Variants in MIPEP observed in about 807,000 individuals in gnomAD.
MIPEP encodes mitochondrial intermediate peptidase.
MIPEP carries 79 observed loss-of-function variants against 90.3 expected under a neutral mutation model. That is an observed-to-expected ratio of 0.87 (90% CI 0.73 to 1.05). MIPEP has a LOEUF of 1.05. MIPEP is among the 50% of genes least tolerant of loss of function. The pLI, the probability that MIPEP is intolerant of heterozygous loss-of-function variation, is 0.00. For synonymous variants in MIPEP, 334 were observed against 315.8 expected, an observed-to-expected ratio of 1.06 and a Z score of -0.61; for missense variants, 940 against 905.6, an observed-to-expected ratio of 1.04 and a Z score of -0.49.
chr13:23,744,233 C>T lies in MIPEP; in HGVS notation c.2044+12312G>A, dbSNP rs749742847. Among the ~76,000 whole-genome samples, 98 of 152,310 alleles carry T rather than the reference C, an allele frequency of 6.4e-4. 2 individuals are homozygous for T. Among genetic ancestry groups the T allele is most frequent in the Middle Eastern group, 6.8e-3 (2 of 294 alleles). Reference sequence around the variant, plus strand: ...TACATACTAGTATATATATTAGCTACTAGTTAGCATACTAGTTGGCACATG... The same window carrying T: ...TACATACTAGTATATATATTAGCTATTAGTTAGCATACTAGTTGGCACATG... On this transcript the variant is annotated intron_variant, in intron 18 of 18. Transcript: ENST00000382172.
At chr13:23,861,515 T>C (rs375419277) in intron 9 of MIPEP, among the ~76,000 whole-genome samples, 1 of 152,226 alleles carries the variant, frequency 6.6e-6, no homozygotes, top group Non-Finnish European at 1.5e-5. Context: ...GGGATTAATC[T>C]GTTTCCTAGT....
chr13:23,760,108 T>C lies in MIPEP; in HGVS notation c.1958A>G (p.Asp653Gly). ...CTTACCCCCTTACCTGTTGAAAGGATCCTGTAGAAAACACTCCTTCCAAAC... is the reference window on the plus strand; with the variant it reads ...CTTACCCCCTTACCTGTTGAAAGGACCCTGTAGAAAACACTCCTTCCAAAC... ...SMVWKECFLQ[D>G]PFNRAAGERY... Residue 653 changes from aspartate to glycine, a missense_variant, in exon 17 of 19, where the codon GAT becomes GGT. Physicochemically the swap from Asp to Gly is moderately conservative, Grantham distance 94. Transcript: ENST00000382172. The C allele has an allele frequency of 6.2e-7, 1 of 1,614,074 alleles. No homozygotes were observed. Among genetic ancestry groups the C allele is most frequent in the Non-Finnish European group, 8.5e-7 (1 of 1,180,004 alleles).
At position 23,790,286 on chromosome 13, in the gene MIPEP, TCTTA is replaced by T. The variant is rs1460456655; in HGVS notation, c.1848+15660_1848+15663del. ...CCTTCTCACTCACTCCTTGAAGATT[TCTTA>T]CTTCTGTTTTACTTCACTCTCACCA... On this transcript the variant is annotated intron_variant, in intron 16 of 18. Transcript: ENST00000382172. Among the ~76,000 whole-genome samples the T allele has an allele frequency of 3.3e-5, 5 of 152,314 alleles. No individual in the cohort carries two copies. The East Asian group carries it at 7.7e-4, about 24-fold the overall frequency.
chr13:23,780,187 A>G (rs1425660916), intron 16 of MIPEP, among the ~76,000 whole-genome samples: 1 of 152,156 alleles, frequency 6.6e-6, no homozygotes, highest in Non-Finnish European at 1.5e-5. Flanking sequence ...CGAGTAGCCT[A>G]ATTGGGAGGC....
At chr13:23,734,022 AATCTATC>A (rs1952233363) in intron 18 of MIPEP, among the ~76,000 whole-genome samples, 1 of 152,228 alleles carries the variant, frequency 6.6e-6, no homozygotes, top group South Asian at 2.1e-4. Flanking sequence ...CACAGTTGAC[AATCTATC>A]ATCTAGATAT....
chr13:23,767,975 C>T (rs1267476593), intron 16 of MIPEP, among the ~76,000 whole-genome samples: 1 of 152,098 alleles, frequency 6.6e-6, no homozygotes, highest in Non-Finnish European at 1.5e-5. Context: ...TCCCAGATGC[C>T]CCGAGGCGTG....
At chr13:23,799,803 C>T (rs1953012844) in intron 16 of MIPEP, among the ~76,000 whole-genome samples, 1 of 152,214 alleles carries the variant, frequency 6.6e-6, no homozygotes, top group African/African-American at 2.4e-5. Context: ...ACATATCCTT[C>T]AGTCCCAGTA....
Position 23,839,711 on chromosome 13 carries a change from A to G in MIPEP, c.1276T>C (p.Ser426Pro), listed in dbSNP as rs1869211757. ...DVRKLAVVHE[S>P]EGLLGYIYCD... ...TAAATGTACCCCAACAATCCTTCAG[A>G]TTCATGAACAACAGCCTAGAAAAAA... Residue 426 changes from serine to proline, a missense_variant, in exon 12 of 19, where the codon TCT becomes CCT. Transcript: ENST00000382172. 6.2e-7 allele frequency: 1 copy of G among 1,612,296 alleles called. No homozygotes were observed. The highest frequency in any genetic ancestry group is 1.7e-5 in the Admixed American group (1 of 59,656).
chr13:23,873,186 T>C (rs902495616), intron 5 of MIPEP, among the ~76,000 whole-genome samples: 4 of 152,166 alleles, frequency 2.6e-5, no homozygotes, highest in African/African-American at 7.2e-5. Flanking sequence ...GGAAACCTGG[T>C]GAGCAGGCCT....
chr13:23,806,053 A>C lies in MIPEP; in HGVS notation c.1745T>G (p.Leu582Arg), dbSNP rs1057518739. 6.2e-7 allele frequency: 1 copy of C among 1,614,040 alleles called. No individual in the cohort carries two copies. Among genetic ancestry groups the C allele is most frequent in the Non-Finnish European group, 8.5e-7 (1 of 1,179,974 alleles). ...DMQLQVFYATLDQIYHGKHPL... is the reference protein window; with the variant it reads ...DMQLQVFYATRDQIYHGKHPL... The stretch of plus-strand genomic sequence containing the variant: ...ATGCTTCCCATGGTAGATTTGATCC[A>C]GAGTGGCATAAAAGACCTAGATAGA... Residue 582 changes from leucine (L) to arginine (R), a missense_variant, in exon 16 of 19, where the codon CTG becomes CGG. Transcript: ENST00000382172.
intron 14 of MIPEP, among the ~76,000 whole-genome samples, chr13:23,824,438 A>ACT (rs760752108): frequency 6.6e-6 from 1 of 152,206 alleles, no homozygotes; most frequent in Non-Finnish European, 1.5e-5. Context: ...GAAGCAGAGA[A>ACT]CTCCTACTGC....
chr13:23,797,443 G>C (rs930447841), intron 16 of MIPEP, among the ~76,000 whole-genome samples: 3 of 152,154 alleles, frequency 2.0e-5, no homozygotes, highest in African/African-American at 7.2e-5. Context: ...CCTGTACTCT[G>C]TTTCTGAACG....
intron 16 of MIPEP, among the ~76,000 whole-genome samples, chr13:23,793,319 T>C (rs980154186): frequency 3.3e-5 from 5 of 152,128 alleles, no homozygotes; most frequent in African/African-American, 1.2e-4. Flanking sequence ...TAAAAGTCAT[T>C]AGACACAAAA....
Position 23,870,261 on chromosome 13 carries a change from CAA to C in MIPEP, c.604-68_604-67del, listed in dbSNP as rs1328689739. The C allele has an allele frequency of 1.5e-5, 16 of 1,077,936 alleles. No homozygotes were observed. In the African/African-American group the frequency reaches 1.6e-4, roughly 11 times the overall value. The allele number at this position is 1,077,936 out of a possible 1,614,324, so 66.8% of individuals were successfully genotyped here. A position where few individuals can be genotyped will look rare whatever the true frequency, so the allele number is the denominator to read the frequency against. ...AATTAATATTTCACAATTTAATAAA[CAA>C]AATATAAATATGTCAAATCAACATA... On this transcript the variant is annotated intron_variant, in intron 5 of 18. Transcript: ENST00000382172.
chr13:23,832,034 C>T (rs1172213648), intron 14 of MIPEP, among the ~76,000 whole-genome samples: 21 of 152,086 alleles, frequency 1.4e-4, no homozygotes, highest in Admixed American at 1.4e-3. Flanking sequence ...CCCTCCAAAA[C>T]CCATGTTGAA....
At chr13:23,735,143 C>T (rs1051132424) in intron 18 of MIPEP, among the ~76,000 whole-genome samples, 4 of 152,120 alleles carry the variant, frequency 2.6e-5, no homozygotes, top group Non-Finnish European at 4.4e-5. Flanking sequence ...CTGCGGGCTA[C>T]GTGAATGACA....
At chr13:23,855,376 A>G (rs1267174236) in intron 10 of MIPEP, among the ~76,000 whole-genome samples, 1 of 152,188 alleles carries the variant, frequency 6.6e-6, no homozygotes, top group East Asian at 1.9e-4. Context: ...TTTTCTTTAG[A>G]TGAACATTAA....
rs187400841 is a variant in MIPEP at position 23,871,297 on chromosome 13, G to A, written c.604-1102C>T. On this transcript the variant is annotated intron_variant, in intron 5 of 18. Coordinates refer to ENST00000382172, the MANE Select transcript of MIPEP (RefSeq NM_005932.4). Reference sequence around the variant, plus strand: ...CTGAGAAAACGTGTATTAGCAAAGGGGTTGCCATAAATGCTCTAAGATTAA... The same window carrying A: ...CTGAGAAAACGTGTATTAGCAAAGGAGTTGCCATAAATGCTCTAAGATTAA... Among the ~76,000 whole-genome samples, 387 of 152,256 alleles carry A rather than the reference G, an allele frequency of 2.5e-3. 5 individuals are homozygous for A. Among genetic ancestry groups the A allele is most frequent in the African/African-American group, 8.9e-3 (370 of 41,542 alleles).
At chr13:23,822,186 T>G (rs758149500) in intron 14 of MIPEP, among the ~76,000 whole-genome samples, 1 of 152,228 alleles carries the variant, frequency 6.6e-6, no homozygotes, top group Non-Finnish European at 1.5e-5. Context: ...TATTGGAATA[T>G]AATATGCCAG....
Sources: allele counts gnomAD v4.1 joint callset (sites outside exome capture counted in the v4.1 genomes callset), GRCh38; gene constraint gnomAD v4.1.1; transcripts MANE v1.5; gene names NCBI Gene and HGNC (gene_info 2026-07-23, HGNC 2026-07-21).